Variants in FRMD6 observed in about 807,000 individuals in gnomAD.
FRMD6 encodes FERM domain-containing protein 6.
A neutral mutation model predicts 73.2 loss-of-function variants in FRMD6; 37 were observed. The ratio of observed to expected loss-of-function variants is 0.51; its 90% confidence interval spans 0.39 to 0.66. The LOEUF is 0.66. Ranked by LOEUF, FRMD6 falls within the 30% of genes least tolerant of loss-of-function variation. The pLI is 0.00. For missense variants in FRMD6, 714 were observed against 780.5 expected (o/e 0.91, Z 1.02); for synonymous variants, 273 against 282.2 (o/e 0.97, Z 0.33).
the FRMD6 span, among the ~76,000 whole-genome samples, chr14:51,459,230 A>G: frequency 2.0e-5 from 3 of 152,046 alleles, no homozygotes; most frequent in South Asian, 6.2e-4. Context: ...GTCATTTGCT[A>G]TTTTTTCTAA....
intron 2 of FRMD6, chr14:51,576,299 C>T (rs1360443491): frequency 6.6e-6 from 1 of 152,160 alleles, no homozygotes; most frequent in Non-Finnish European, 1.5e-5. Flanking sequence ...GTGGTGGGAA[C>T]AGGGAATTGA....
intron 6 of FRMD6, 112 bp from the exon 7 acceptor site, chr14:51,707,966 C>T: frequency 3.2e-6 from 3 of 934,898 alleles, no homozygotes; most frequent in Non-Finnish European, 4.9e-6. Flanking sequence ...TGCAAACCAA[C>T]CAGTTTACAT....
At chr14:51,418,089 G>T in the FRMD6 span, among the ~76,000 whole-genome samples, 1 of 152,054 alleles carries the variant, frequency 6.6e-6, no homozygotes, top group Non-Finnish European at 1.5e-5. Context: ...CCTTGTGATG[G>T]GTTCAAACAT....
chr14:51,721,744 A>AAGGG (rs1273831014), intron 11 of FRMD6, among the ~76,000 whole-genome samples: 18 of 88,648 alleles, frequency 2.0e-4, no homozygotes, highest in African/African-American at 7.1e-4. Flanking sequence ...GGGAGGAAGG[A>AAGGG]AGGGAGGAAG....
chr14:51,566,793 C>T (rs1887798775), intron 1 of FRMD6, among the ~76,000 whole-genome samples: 1 of 152,174 alleles, frequency 6.6e-6, no homozygotes, highest in African/African-American at 2.4e-5. Context: ...ATGATAGTTT[C>T]CTCTCTAGAC....
At chr14:51,491,121 G>A (rs1419921799) in intron 1 of FRMD6, among the ~76,000 whole-genome samples, 1 of 152,172 alleles carries the variant, frequency 6.6e-6, no homozygotes, top group Non-Finnish European at 1.5e-5. Context: ...GTCTCCAAGG[G>A]AAGCTTCTTT....
intron 2 of FRMD6, among the ~76,000 whole-genome samples, chr14:51,691,588 A>ATTTTTTTTTTTTTT (rs758677611): frequency 1.3e-4 from 10 of 75,136 alleles, no homozygotes; most frequent in East Asian, 3.6e-4. Context: ...TTTGATTTTG[A>ATTTTTTTTTTTTTT]TTTTTTTTTT....
At chr14:51,721,769 G>GGGA (rs1897629206) in intron 11 of FRMD6, among the ~76,000 whole-genome samples, 180 bp from the exon 12 acceptor site, 1 of 117,508 alleles carries the variant, frequency 8.5e-6, no homozygotes, top group African/African-American at 3.2e-5. Context: ...GAGGGAAGGA[G>GGGA]GGAAGGAGTA....
the FRMD6 span, among the ~76,000 whole-genome samples, chr14:51,466,265 G>A: frequency 1.4e-4 from 21 of 152,194 alleles, no homozygotes; most frequent in African/African-American, 5.1e-4. Context: ...TTTTGGAAAA[G>A]TTGAGTTCAT....
intron 9 of FRMD6, among the ~76,000 whole-genome samples, chr14:51,712,757 C>T (rs1479668608): frequency 6.6e-6 from 1 of 152,138 alleles, no homozygotes; most frequent in African/African-American, 2.4e-5. Flanking sequence ...CAGTAGTGAA[C>T]TTAAAATCAA....
the FRMD6 span, among the ~76,000 whole-genome samples, chr14:51,421,255 A>G: frequency 6.6e-6 from 1 of 152,252 alleles, no homozygotes; most frequent in South Asian, 2.1e-4. Flanking sequence ...CAGAAATGAA[A>G]GAAAACAGGG....
chr14:51,728,275 G>A lies in FRMD6; in HGVS notation c.*246G>A. 2.1e-6 allele frequency: 1 copy of A among 466,318 alleles called. No individual in the cohort carries two copies. The highest frequency in any genetic ancestry group is 3.8e-6 in the Non-Finnish European group (1 of 261,404). The allele number at this position is 466,318 out of a possible 1,614,324, so 28.9% of individuals were successfully genotyped here. Reference sequence around the variant, plus strand: ...CCGGAAGTTCACTGATCCTTCAGAAGGAAATGCGCTTTACTGATTGCAAAG... The same window carrying A: ...CCGGAAGTTCACTGATCCTTCAGAAAGAAATGCGCTTTACTGATTGCAAAG... On this transcript the variant is annotated 3_prime_UTR_variant, in exon 14 of 14. Transcript: ENST00000344768.
At chr14:51,647,603 T>C (rs940542092), upstream of FRMD6, among the ~76,000 whole-genome samples, 1 of 152,214 alleles carries the variant, frequency 6.6e-6, no homozygotes, top group African/African-American at 2.4e-5. Context: ...AAAGTACTTT[T>C]TGTTTTGCTT....
chr14:51,478,802 T>A, the FRMD6 span, among the ~76,000 whole-genome samples: 1 of 152,190 alleles, frequency 6.6e-6, no homozygotes, highest in African/African-American at 2.4e-5. Flanking sequence ...AGAAAACAGA[T>A]CGGGATGCTA....
chr14:51,712,385 T>A lies in FRMD6; in HGVS notation c.781-98T>A. 1.5e-5 allele frequency: 11 copies of A among 719,504 alleles called. No individual in the cohort carries two copies. The South Asian group carries it at 1.6e-4, about 11-fold the overall frequency. 44.6% of individuals were successfully genotyped at this position (719,504 alleles called of 1,614,324 possible). A position where few individuals can be genotyped will look rare whatever the true frequency, so the allele number is the denominator to read the frequency against. Reference sequence around the variant, plus strand: ...GAGATGTGGGGGCTTTTTTCAGATTTTAATTACTGTATTTTGGTTTTCAGG... The same window carrying A: ...GAGATGTGGGGGCTTTTTTCAGATTATAATTACTGTATTTTGGTTTTCAGG... On this transcript the variant is annotated intron_variant, in intron 8 of 13. Transcript: ENST00000344768.
At chr14:51,557,257 TA>T (rs1887187482) in intron 1 of FRMD6, among the ~76,000 whole-genome samples, 1 of 151,946 alleles carries the variant, frequency 6.6e-6, no homozygotes, top group Non-Finnish European at 1.5e-5. Flanking sequence ...TATATATATA[TA>T]TATATATATA....
chr14:51,431,091 C>A, the FRMD6 span, among the ~76,000 whole-genome samples: 1 of 152,084 alleles, frequency 6.6e-6, no homozygotes, highest in African/African-American at 2.4e-5. Context: ...TCTATATATA[C>A]CCAGAAGAGT....
the FRMD6 span, among the ~76,000 whole-genome samples, chr14:51,449,958 C>T: frequency 2.0e-5 from 3 of 152,108 alleles, no homozygotes; most frequent in Non-Finnish European, 4.4e-5. Flanking sequence ...TCCATCTGGG[C>T]CTGTGGTGAA....
chr14:51,701,038 C>T lies in FRMD6; in HGVS notation c.191-18C>T. On this transcript the variant is annotated intron_variant, in intron 3 of 13. Coordinates refer to ENST00000344768, the MANE Select transcript of FRMD6 (RefSeq NM_001267046.2). ...AATCCTTTCTTTAGCATGTCGTCTC[C>T]TTTTTTTTAATGTACAGATAATGAA... is the stretch of plus-strand genomic sequence containing the variant. 6 of 1,252,532 alleles carry T rather than the reference C, an allele frequency of 4.8e-6. No individual in the cohort carries two copies. The highest frequency in any genetic ancestry group is 2.6e-5 in the Admixed American group (1 of 38,438). 77.6% of individuals were successfully genotyped at this position (1,252,532 alleles called of 1,614,324 possible). A position where few individuals can be genotyped will look rare whatever the true frequency, so the allele number is the denominator to read the frequency against.
Sources: allele counts gnomAD v4.1 joint callset (sites outside exome capture counted in the v4.1 genomes callset), GRCh38; gene constraint gnomAD v4.1.1; transcripts MANE v1.5; gene names NCBI Gene and HGNC (gene_info 2026-07-23, HGNC 2026-07-21).